Variants in BCAS3 observed in about 807,000 individuals in gnomAD.
The protein encoded by BCAS3 is BCAS3 microtubule associated cell migration factor.
A neutral mutation model predicts 116.1 loss-of-function variants in BCAS3; 53 were observed. The observed-to-expected ratio is 0.46, with a 90% confidence interval of 0.37 to 0.57. The LOEUF (loss-of-function observed/expected upper bound fraction) is 0.57, where lower values mean the gene tolerates loss of function less well. BCAS3 is among the 20% of genes least tolerant of loss of function. The probability of loss-of-function intolerance (pLI) is 0.00; values close to 1 mark genes in which losing one functional copy is unlikely to be tolerated. For missense variants in BCAS3, 917 were observed against 1,165.4 expected (o/e 0.79, Z 3.10); for synonymous variants, 391 against 408.2 (o/e 0.96, Z 0.51).
intron 22 of BCAS3, among the ~76,000 whole-genome samples, chr17:61,280,834 A>G (rs1301854548): frequency 6.6e-6 from 1 of 152,202 alleles, no homozygotes; most frequent in Non-Finnish European, 1.5e-5. Context: ...TTGGGCAGCA[A>G]AGATGGAGCT....
chr17:61,321,517 G>A (rs1381617216), intron 22 of BCAS3, among the ~76,000 whole-genome samples: 1 of 152,210 alleles, frequency 6.6e-6, no homozygotes. Flanking sequence ...TTTGATGTCG[G>A]GCGGTAAGAG....
Position 61,391,785 on chromosome 17 carries a change from T to TC in BCAS3, c.2594-189dup, listed in dbSNP as rs148099727. 9,101 of 634,360 alleles carry TC rather than the reference T, an allele frequency of 0.014. 103 individuals carry two copies. Among genetic ancestry groups the TC allele is most frequent in the Non-Finnish European group, 0.021 (7,444 of 362,160 alleles). The allele number at this position is 634,360 out of a possible 1,614,324, so 39.3% of individuals were successfully genotyped here. ...CCAGAGTCTGCCAGCCAGGGGGCTT[T>TC]CCCTCCCCTGGCTGAGCCTTCCTGT... On this transcript the variant is annotated intron_variant, in intron 23 of 23. Coordinates refer to ENST00000407086, the MANE Select transcript of BCAS3 (RefSeq NM_017679.5). The surrounding 1 kb of genome is among the most constrained non-coding windows in gnomAD (Gnocchi z 7.7).
rs4968551 is a variant in BCAS3 at position 61,286,621 on chromosome 17, C to T, written c.2426-81706C>T. On this transcript the variant is annotated intron_variant, in intron 22 of 23. Transcript: ENST00000407086. The surrounding 1 kb of genome is among the most constrained non-coding windows in gnomAD (Gnocchi z 4.8). The stretch of plus-strand genomic sequence containing the variant: ...AACAGTGTGCCAGGATCTGTGGGCA[C>T]GCTGTTAGCAGGGCTAAGTTAAATA... 0.12 allele frequency among the ~76,000 whole-genome samples: 18,990 copies of T among 152,036 alleles called. 1,222 individuals carry two copies. The highest frequency in any genetic ancestry group is 0.2 in the South Asian group (952 of 4,818).
chr17:61,360,151 A>C (rs537281049), intron 22 of BCAS3, among the ~76,000 whole-genome samples: 1 of 151,864 alleles, frequency 6.6e-6, no homozygotes, highest in African/African-American at 2.4e-5. Flanking sequence ...CTACAGATGC[A>C]CGCCACCACA....
chr17:60,945,723 C>T (rs1192277069), intron 13 of BCAS3, among the ~76,000 whole-genome samples: 2 of 151,680 alleles, frequency 1.3e-5, no homozygotes, highest in African/African-American at 4.8e-5. Flanking sequence ...ATCTGTTGAA[C>T]CCAGGAAGTG....
At chr17:60,853,770 A>T (rs182679226) in intron 7 of BCAS3, among the ~76,000 whole-genome samples, 1 of 152,220 alleles carries the variant, frequency 6.6e-6, no homozygotes, top group Non-Finnish European at 1.5e-5. Context: ...GTTTTCTTAT[A>T]AAATGTTTTT....
chr17:60,713,561 C>G (rs1179992960), intron 5 of BCAS3, among the ~76,000 whole-genome samples: 1 of 152,138 alleles, frequency 6.6e-6, no homozygotes, highest in Non-Finnish European at 1.5e-5. Context: ...ATGGTTGTGT[C>G]TGTACTGAAC....
intron 4 of BCAS3, among the ~76,000 whole-genome samples, chr17:60,703,104 G>A (rs1276271076): frequency 6.6e-6 from 1 of 151,466 alleles, no homozygotes; most frequent in Non-Finnish European, 1.5e-5. Flanking sequence ...GTGAAACACC[G>A]TCTATACTAA....
chr17:61,194,465 C>T (rs886415059), intron 22 of BCAS3, among the ~76,000 whole-genome samples: 7 of 152,196 alleles, frequency 4.6e-5, no homozygotes, highest in Middle Eastern at 3.4e-3. Context: ...CTAAGCCGGG[C>T]GCAGTGGCTC....
Position 61,151,738 on chromosome 17 carries a change from A to C in BCAS3, c.2425+67174A>C, listed in dbSNP as rs535037216. Among the ~76,000 whole-genome samples the C allele has an allele frequency of 1.2e-4, 19 of 152,318 alleles. No homozygotes were observed. In the East Asian group the frequency reaches 3.3e-3, roughly 26 times the overall value. On this transcript the variant is annotated intron_variant, in intron 22 of 23. Transcript: ENST00000407086. The surrounding 1 kb of genome is among the most constrained non-coding windows in gnomAD (Gnocchi z 4.8). ...CCCGCAAAGTGCTGGGATTACAAGC[A>C]TGAGCCACTGCACCTGGCCAACATC...
chr17:61,341,554 G>A lies in BCAS3; in HGVS notation c.2426-26773G>A, dbSNP rs566757745. Among the ~76,000 whole-genome samples the A allele has an allele frequency of 2.6e-5, 4 of 152,318 alleles. No individual in the cohort carries two copies. In the South Asian group the frequency reaches 8.3e-4, roughly 32 times the overall value. ...CTGGTGCAGTGGCACTCAGCCCGCT[G>A]CTGATGGATCCTGGTCTTCTGACTC... is the stretch of plus-strand genomic sequence containing the variant. On this transcript the variant is annotated intron_variant, in intron 22 of 23. Coordinates refer to ENST00000407086, the MANE Select transcript of BCAS3 (RefSeq NM_017679.5).
intron 22 of BCAS3, among the ~76,000 whole-genome samples, chr17:61,123,232 C>G (rs978293795): frequency 1.3e-5 from 2 of 152,044 alleles, no homozygotes; most frequent in Non-Finnish European, 2.9e-5. Context: ...CATGATCCAC[C>G]ACACCCAGCC....
intron 19 of BCAS3, among the ~76,000 whole-genome samples, chr17:61,053,008 C>T (rs1187607563): frequency 1.3e-5 from 2 of 152,108 alleles, no homozygotes; most frequent in East Asian, 1.9e-4. Flanking sequence ...TGAGCCACCA[C>T]GCCTGGCCTG....
chr17:61,192,154 G>A (rs1275981276), intron 22 of BCAS3, among the ~76,000 whole-genome samples: 1 of 144,960 alleles, frequency 6.9e-6, no homozygotes, highest in Non-Finnish European at 1.5e-5. Context: ...GCTGAGGCAT[G>A]AGAATCACTT....
At chr17:61,194,355 CAG>C (rs1353389596) in intron 22 of BCAS3, among the ~76,000 whole-genome samples, 5 of 152,156 alleles carry the variant, frequency 3.3e-5, no homozygotes, top group African/African-American at 1.2e-4. Flanking sequence ...CAAATCACAT[CAG>C]TTAATTCCCC....
intron 22 of BCAS3, among the ~76,000 whole-genome samples, chr17:61,328,312 CAG>C (rs992734681): frequency 2.1e-4 from 32 of 152,162 alleles, no homozygotes; most frequent in African/African-American, 6.3e-4. Flanking sequence ...CAAAAACAAA[CAG>C]GGAATTCTCA....
intron 22 of BCAS3, among the ~76,000 whole-genome samples, chr17:61,231,331 A>AT (rs2082666773): frequency 6.6e-6 from 1 of 151,948 alleles, no homozygotes; most frequent in Non-Finnish European, 1.5e-5. Flanking sequence ...TGGATATTAG[A>AT]TTTTTGTCAG....
chr17:60,946,147 A>G (rs1245167182), intron 13 of BCAS3, among the ~76,000 whole-genome samples: 3 of 152,298 alleles, frequency 2.0e-5, no homozygotes, highest in Admixed American at 1.3e-4. Flanking sequence ...CAAATAGCCA[A>G]TTGATCCTTG....
At position 61,278,489 on chromosome 17, in the gene BCAS3, G is replaced by A. The variant is rs778189881; in HGVS notation, c.2426-89838G>A. Among the ~76,000 whole-genome samples, 5 of 152,096 alleles carry A rather than the reference G, an allele frequency of 3.3e-5. No individual in the cohort carries two copies. Among genetic ancestry groups the A allele is most frequent in the Non-Finnish European group, 7.4e-5 (5 of 67,996 alleles). ...CATGCCCAGCCTCTATCAACTGTTG[G>A]ATGGACCTACCCAAAGGAATTGAAT... On this transcript the variant is annotated intron_variant, in intron 22 of 23. Transcript: ENST00000407086. This position sits in a 1 kb window ranked among gnomAD's most constrained non-coding sequence, Gnocchi z 5.8.
Sources: allele counts gnomAD v4.1 joint callset (sites outside exome capture counted in the v4.1 genomes callset), GRCh38; gene constraint gnomAD v4.1.1; non-coding constraint Gnocchi (gnomAD v3.1); transcripts MANE v1.5; gene names NCBI Gene and HGNC (gene_info 2026-07-23, HGNC 2026-07-21).